Variants in GLIS1 observed in about 807,000 individuals in gnomAD.
GLIS1 encodes zinc finger protein GLIS1.
Under a neutral mutation model 63.8 loss-of-function variants are expected in GLIS1, and 24 were observed. That is an observed-to-expected ratio of 0.38 (90% CI 0.27 to 0.53). The LOEUF is 0.53. GLIS1 is among the 20% of genes least tolerant of loss of function. The probability of loss-of-function intolerance (pLI) is 0.85; values close to 1 mark genes in which losing one functional copy is unlikely to be tolerated. For synonymous variants in GLIS1, 450 were observed against 482.5 expected (o/e 0.93, Z 0.88); for missense variants, 1,036 against 1,074.1 (o/e 0.96, Z 0.50).
chr1:53,687,890 C>A (rs1167047450), intron 2 of GLIS1, among the ~76,000 whole-genome samples: 1 of 152,236 alleles, frequency 6.6e-6, no homozygotes, highest in Admixed American at 6.5e-5. Context: ...CTCACCCCAA[C>A]TCGGGGAGCT....
chr1:53,586,343 T>G (rs1486089151), intron 4 of GLIS1, among the ~76,000 whole-genome samples: 1 of 152,170 alleles, frequency 6.6e-6, no homozygotes, highest in African/African-American at 2.4e-5. Flanking sequence ...CTATCCCATT[T>G]CACAGTGCAG....
intron 2 of GLIS1, among the ~76,000 whole-genome samples, chr1:53,736,340 C>G (rs543951494): frequency 6.6e-6 from 1 of 152,266 alleles, no homozygotes; most frequent in Middle Eastern, 3.4e-3. Flanking sequence ...CTCACCATAG[C>G]GTGGAACAAA....
rs762031054 is a variant in GLIS1 at position 53,594,117 on chromosome 1, G to A, written c.1311C>T (p.Asn437=). ...HMRVHSGEKP[N]KCMFEGCSKA... ...GCCGGTGGGAACTCACCATGCACTT[G>A]TTGGGCTTCTCGCCCGAGTGCACTC... The change falls in exon 4 of 11, where the codon AAC becomes AAT. Residue 437 remains asparagine, a synonymous_variant. Coordinates refer to ENST00000628545, the MANE Select transcript of GLIS1 (RefSeq NM_001367484.1). 2.5e-6 allele frequency: 4 copies of A among 1,609,304 alleles called. No individual in the cohort carries two copies. The highest frequency in any genetic ancestry group is 3.4e-6 in the Non-Finnish European group (4 of 1,176,700).
intron 8 of GLIS1, 82 bp from the exon 9 acceptor site, chr1:53,510,109 C>T: frequency 1.3e-6 from 1 of 754,296 alleles, no homozygotes; most frequent in Non-Finnish European, 1.8e-6. Context: ...GCTTACACCC[C>T]TCCAGCGACG....
At chr1:53,585,946 G>A (rs1044268095) in intron 4 of GLIS1, among the ~76,000 whole-genome samples, 4 of 152,238 alleles carry the variant, frequency 2.6e-5, no homozygotes, top group African/African-American at 4.8e-5. Flanking sequence ...TGGGAGTGAA[G>A]TGTCTTGTCC....
chr1:53,570,223 C>A (rs1248454525), intron 4 of GLIS1, among the ~76,000 whole-genome samples: 1 of 151,956 alleles, frequency 6.6e-6, no homozygotes, highest in Admixed American at 6.6e-5. Context: ...CTCAAGCAAT[C>A]TTCCTACCTC....
intron 2 of GLIS1, among the ~76,000 whole-genome samples, chr1:53,667,448 A>G (rs1277552159): frequency 1.3e-5 from 2 of 152,238 alleles, no homozygotes; most frequent in African/African-American, 4.8e-5. Context: ...TCAGCCAGGG[A>G]GGAGTGGGGC....
intron 4 of GLIS1, among the ~76,000 whole-genome samples, chr1:53,581,532 CT>C (rs1645084557): frequency 1.3e-5 from 2 of 152,192 alleles, no homozygotes; most frequent in African/African-American, 4.8e-5. Flanking sequence ...AACATCTAGA[CT>C]TTATGGAGCT....
At chr1:53,658,541 A>G (rs1406058071) in intron 2 of GLIS1, among the ~76,000 whole-genome samples, 1 of 152,196 alleles carries the variant, frequency 6.6e-6, no homozygotes, top group Non-Finnish European at 1.5e-5. Flanking sequence ...TTATGGGCTC[A>G]AGGTCAGGGA....
At chr1:53,683,197 G>A (rs1646294516) in intron 2 of GLIS1, among the ~76,000 whole-genome samples, 1 of 152,182 alleles carries the variant, frequency 6.6e-6, no homozygotes, top group African/African-American at 2.4e-5. Flanking sequence ...TCCCCAACCT[G>A]CACTGTGGAT....
intron 4 of GLIS1, among the ~76,000 whole-genome samples, chr1:53,575,341 T>C (rs1255530601): frequency 6.6e-6 from 1 of 152,138 alleles, no homozygotes. Context: ...GTCTGACATC[T>C]ACAGTCCCCC....
At chr1:53,672,515 A>C (rs1400414532) in intron 2 of GLIS1, among the ~76,000 whole-genome samples, 3 of 152,274 alleles carry the variant, frequency 2.0e-5, no homozygotes, top group African/African-American at 7.2e-5. Context: ...AGAGTGACTT[A>C]TTGTGTGCTT....
intron 4 of GLIS1, among the ~76,000 whole-genome samples, chr1:53,582,462 C>A (rs1023772018): frequency 6.6e-6 from 1 of 152,220 alleles, no homozygotes; most frequent in Non-Finnish European, 1.5e-5. Context: ...CACCGCCAAC[C>A]GTCTCCTGCT....
intron 2 of GLIS1, among the ~76,000 whole-genome samples, chr1:53,711,996 C>T (rs1646651874): frequency 6.6e-6 from 1 of 152,218 alleles, no homozygotes; most frequent in East Asian, 1.9e-4. Flanking sequence ...AATGCCCCAG[C>T]TCTGTTCTCA....
chr1:53,574,729 C>T lies in GLIS1; in HGVS notation c.1320+19379G>A, dbSNP rs551297514. On this transcript the variant is annotated intron_variant, in intron 4 of 10. Coordinates refer to ENST00000628545, the MANE Select transcript of GLIS1 (RefSeq NM_001367484.1). This position sits in a 1 kb window ranked among gnomAD's most constrained non-coding sequence, Gnocchi z 4.2. ...GGCCTTGTGTCTAAGCCACATTTGT[C>T]ATTCCAGCTGTACCATTAGCAAGGG... Among the ~76,000 whole-genome samples, 18 of 152,258 alleles carry T rather than the reference C, an allele frequency of 1.2e-4. No homozygotes were observed. Among genetic ancestry groups the T allele is most frequent in the Non-Finnish European group, 1.0e-4 (7 of 68,046 alleles).
chr1:53,517,818 G>A (rs1553216381), intron 7 of GLIS1, among the ~76,000 whole-genome samples: 1 of 152,154 alleles, frequency 6.6e-6, no homozygotes, highest in Non-Finnish European at 1.5e-5. Context: ...CTGCCCCGGG[G>A]CCAGGTCCCG....
chr1:53,526,449 C>A lies in GLIS1; in HGVS notation c.1483-1562G>T, dbSNP rs1371263790. Among the ~76,000 whole-genome samples the A allele has an allele frequency of 6.6e-6, 1 of 152,094 alleles. No individual in the cohort carries two copies. The highest frequency in any genetic ancestry group is 1.5e-5 in the Non-Finnish European group (1 of 67,996). Reference sequence around the variant, plus strand: ...GCCGGGGTTGGCCTGGGAGGGAGAGCGGAGGCCTGCCGCGGATGGCCCCTG... The same window carrying A: ...GCCGGGGTTGGCCTGGGAGGGAGAGAGGAGGCCTGCCGCGGATGGCCCCTG... On this transcript the variant is annotated intron_variant, in intron 5 of 10. Transcript: ENST00000628545. The surrounding 1 kb of genome is among the most constrained non-coding windows in gnomAD (Gnocchi z 4.4).
At chr1:53,611,771 T>C (rs1645426644) in intron 2 of GLIS1, among the ~76,000 whole-genome samples, 1 of 152,216 alleles carries the variant, frequency 6.6e-6, no homozygotes, top group East Asian at 1.9e-4. Flanking sequence ...AACTTCACAT[T>C]TGTCTTCCTA....
rs1646925712 is a variant in GLIS1, at chr1:53,737,817, G to A, written c.248C>T (p.Ala83Val). The change falls in exon 2 of 11, where the codon GCC (alanine) becomes GTC (valine). Residue 83 changes from alanine (A) to valine (V), a missense_variant. Coordinates refer to ENST00000628545, the MANE Select transcript of GLIS1 (RefSeq NM_001367484.1). The stretch of plus-strand genomic sequence containing the variant: ...AGGGCCGAACTCACCCTTCCCGGCG[G>A]CGGCGGCCTTGGATGGACCGTAGTC... ...PRDYGPSKAA[A>V]AGKVNGSYGH... 1.6e-6 allele frequency: 2 copies of A among 1,230,964 alleles called. No individual in the cohort carries two copies. Among genetic ancestry groups the A allele is most frequent in the African/African-American group, 3.1e-5 (2 of 64,398 alleles). 76.3% of individuals were successfully genotyped at this position (1,230,964 alleles called of 1,614,324 possible). A position where few individuals can be genotyped will look rare whatever the true frequency, so the allele number is the denominator to read the frequency against.
Sources: gnomAD v4.1 joint callset for allele counts (sites outside exome capture counted in the v4.1 genomes callset) on GRCh38, gnomAD v4.1.1 for gene constraint, Gnocchi (gnomAD v3.1) non-coding constraint, MANE v1.5 for transcripts, NCBI Gene and HGNC (gene_info 2026-07-23, HGNC 2026-07-21) for gene names.